The following SLC5A8 variants were observed in gnomAD, a reference collection of about 807,000 sequenced individuals.
The protein encoded by SLC5A8 is sodium-coupled monocarboxylate transporter 1.
In SLC5A8, 55 loss-of-function variants were observed where a neutral mutation model predicts 71.9. The observed-to-expected ratio is 0.77, with a 90% CI of 0.62 to 0.96. The LOEUF is 0.96. SLC5A8 is among the 40% of genes least tolerant of loss of function. The pLI, the probability that SLC5A8 is intolerant of heterozygous loss-of-function variation, is 0.00. For synonymous variants in SLC5A8, 307 were observed against 276.1 expected, an observed-to-expected ratio of 1.11 and a Z score of -1.11; for missense variants, 701 against 745.3, an observed-to-expected ratio of 0.94 and a Z score of 0.69.
chr12:101,161,123 A>C (rs993025677), intron 13 of SLC5A8, among the ~76,000 whole-genome samples: 1 of 152,218 alleles, frequency 6.6e-6, no homozygotes, highest in Non-Finnish European at 1.5e-5. Context: ...AGAAAAAAGA[A>C]AAGTTCTTTT....
rs191132364 is a variant in SLC5A8, at chr12:101,156,669, G to C, written c.*610C>G. On this transcript the variant is annotated 3_prime_UTR_variant, in exon 15 of 15. Transcript: ENST00000536262. ...AAGAATTAATGAACAGCACCAAGAA[G>C]ACTTTGATCATTGGGCCCACGGTCT... 1 of 152,380 alleles carries C rather than the reference G, an allele frequency of 6.6e-6. No individual in the cohort carries two copies. The highest frequency in any genetic ancestry group is 6.5e-5 in the Admixed American group (1 of 15,286). The allele number at this position is 152,380 out of a possible 1,614,324, so 9.4% of individuals were successfully genotyped here.
intron 10 of SLC5A8, among the ~76,000 whole-genome samples, chr12:101,178,493 G>C (rs949453768): frequency 6.6e-6 from 1 of 152,128 alleles, no homozygotes; most frequent in Admixed American, 6.6e-5. Context: ...AAAGAAAACA[G>C]AGAATTCAGA....
At chr12:101,205,221 G>T (rs1346509509) in intron 1 of SLC5A8, among the ~76,000 whole-genome samples, 1 of 152,210 alleles carries the variant, frequency 6.6e-6, no homozygotes, top group African/African-American at 2.4e-5. Flanking sequence ...TGAAAAGGCT[G>T]CCCCGGTTTC....
intron 9 of SLC5A8, among the ~76,000 whole-genome samples, chr12:101,181,093 T>C (rs1055564527): frequency 1.3e-5 from 2 of 152,104 alleles, no homozygotes; most frequent in Non-Finnish European, 2.9e-5. Context: ...AAAAAATGAA[T>C]GGGAAATTTG....
At chr12:101,172,428 G>T (rs1198160494) in intron 10 of SLC5A8, among the ~76,000 whole-genome samples, 4 of 152,250 alleles carry the variant, frequency 2.6e-5, no homozygotes, top group South Asian at 2.1e-4. Flanking sequence ...AGGAGAGTTT[G>T]CAGGAATTCA....
intron 5 of SLC5A8, among the ~76,000 whole-genome samples, chr12:101,191,294 T>A (rs926472375): frequency 1.3e-5 from 2 of 152,228 alleles, no homozygotes; most frequent in Non-Finnish European, 2.9e-5. Context: ...TAATCTTTTT[T>A]ACTGGAAGGA....
chr12:101,168,288 GAA>G, intron 10 of SLC5A8, 106 bp from the exon 11 acceptor site: 1 of 1,049,596 alleles, frequency 9.5e-7, no homozygotes, highest in Non-Finnish European at 1.4e-6. Context: ...GCCTCCTTCT[GAA>G]AATCATAGTT....
intron 10 of SLC5A8, among the ~76,000 whole-genome samples, chr12:101,177,856 T>G (rs2137138711): frequency 6.6e-6 from 1 of 152,270 alleles, no homozygotes; most frequent in Admixed American, 6.5e-5. Flanking sequence ...ACTACTTCTA[T>G]TCAACATGAT....
At chr12:101,168,204 A>T (rs370457018) in intron 10 of SLC5A8, 22 bp from the exon 11 acceptor site, 2 of 1,571,488 alleles carry the variant, frequency 1.3e-6, no homozygotes, top group African/African-American at 2.7e-5. Flanking sequence ...ATACAACGTC[A>T]GCAATTAGCA....
intron 10 of SLC5A8, among the ~76,000 whole-genome samples, chr12:101,177,198 C>G (rs1052537474): frequency 2.6e-5 from 4 of 151,944 alleles, no homozygotes; most frequent in Admixed American, 2.0e-4. Flanking sequence ...CATAAATTGT[C>G]ACAATTCATC....
chr12:101,163,679 C>T (rs149762247), intron 12 of SLC5A8, among the ~76,000 whole-genome samples: 223 of 152,182 alleles, frequency 1.5e-3, no homozygotes, highest in African/African-American at 5.2e-3. Flanking sequence ...AAAAACAAAA[C>T]AATGAGAACT....
At position 101,156,985 on chromosome 12, in the gene SLC5A8, G is replaced by A. The variant is rs7309172; in HGVS notation, c.*294C>T. 6.8e-6 allele frequency: 2 copies of A among 292,834 alleles called. No individual in the cohort carries two copies. The highest frequency in any genetic ancestry group is 4.6e-5 in the Admixed American group (1 of 21,538). The allele number at this position is 292,834 out of a possible 1,614,324, so 18.1% of individuals were successfully genotyped here. A position where few individuals can be genotyped will look rare whatever the true frequency, so the allele number is the denominator to read the frequency against. ...ATACCTTTGACAATCAAATACATGT[G>A]CATATGTGTGTATTAGCCTTTCAGC... On this transcript the variant is annotated 3_prime_UTR_variant, in exon 15 of 15. Coordinates refer to ENST00000536262, the MANE Select transcript of SLC5A8 (RefSeq NM_145913.5).
Position 101,209,755 on chromosome 12 carries a change from A to G in SLC5A8, c.94T>C (p.Tyr32His), listed in dbSNP as rs1869843291. ...LVISAAIGIY[Y>H]AFAGGGQQTS... is the part of the protein sequence containing the mutation. ...TGCTGGCCGCCCCCAGCGAAGGCGT[A>G]GTAGATGCCGATGGCGGCCGAGATG... Residue 32 changes from tyrosine to histidine, a missense_variant, in exon 1 of 15, where the codon TAC becomes CAC. Tyr to His is a moderately conservative substitution (Grantham distance 83). Transcript: ENST00000536262. The G allele has an allele frequency of 1.2e-6, 2 of 1,612,026 alleles. No individual in the cohort carries two copies. The highest frequency in any genetic ancestry group is 1.7e-6 in the Non-Finnish European group (2 of 1,179,280).
Position 101,190,611 on chromosome 12 carries a change from A to G in SLC5A8, c.693-3T>C, listed in dbSNP as rs753496478. On this transcript the variant is annotated splice_region_variant and splice_polypyrimidine_tract_variant and intron_variant, in intron 5 of 14. Transcript: ENST00000536262. ...TTTGCAAAGGGTTAGGATTAAAACT[A>G]AATGACAAGAAACAGAAAACAAATC... 6 of 1,592,516 alleles carry G rather than the reference A, an allele frequency of 3.8e-6. No individual in the cohort carries two copies. In the Admixed American group the frequency reaches 1.1e-4, roughly 30 times the overall value.
intron 3 of SLC5A8, among the ~76,000 whole-genome samples, chr12:101,199,544 T>A (rs1180562435): frequency 6.6e-6 from 1 of 151,990 alleles, no homozygotes; most frequent in East Asian, 1.9e-4. Flanking sequence ...GCCATAATAG[T>A]CTAATAATAA....
chr12:101,188,863 T>A (rs926516730), intron 6 of SLC5A8, among the ~76,000 whole-genome samples: 2 of 152,226 alleles, frequency 1.3e-5, no homozygotes, highest in Non-Finnish European at 2.9e-5. Context: ...CTCTTATATA[T>A]GAGTTTAATA....
chr12:101,174,759 C>G (rs1436321233), intron 10 of SLC5A8, among the ~76,000 whole-genome samples: 1 of 152,164 alleles, frequency 6.6e-6, no homozygotes, highest in African/African-American at 2.4e-5. Context: ...TCCAGCATAA[C>G]AAGGAGCTCC....
intron 6 of SLC5A8, among the ~76,000 whole-genome samples, chr12:101,189,987 T>C (rs1868826536): frequency 6.6e-6 from 1 of 152,190 alleles, no homozygotes; most frequent in African/African-American, 2.4e-5. Flanking sequence ...GTGCCCAGGA[T>C]CACTCAAATA....
intron 11 of SLC5A8, among the ~76,000 whole-genome samples, chr12:101,167,241 T>C (rs349667): frequency 0.24 from 35,851 of 152,166 alleles, 4,673 homozygotes; most frequent in East Asian, 0.55. Flanking sequence ...CAAATCTCTT[T>C]CATTGTGATT....
Sources: gnomAD v4.1 joint callset for allele counts (sites outside exome capture counted in the v4.1 genomes callset) on GRCh38, gnomAD v4.1.1 for gene constraint, MANE v1.5 for transcripts, NCBI Gene and HGNC (gene_info 2026-07-23, HGNC 2026-07-21) for gene names.